The following JARID2 variants were observed in gnomAD, a reference collection of about 807,000 sequenced individuals.
JARID2 encodes protein Jumonji.
In JARID2, 21 loss-of-function variants were observed where a neutral mutation model predicts 125.6. The ratio of observed to expected loss-of-function variants is 0.17; its 90% CI spans 0.12 to 0.24. JARID2 has a LOEUF of 0.24. JARID2 is among the 10% of genes least tolerant of loss of function. The pLI is 1.00. For missense variants in JARID2, 1,303 were observed against 1,639.6 expected, an observed-to-expected ratio of 0.79 and a Z score of 3.55; for synonymous variants, 736 against 661.6, an observed-to-expected ratio of 1.11 and a Z score of -1.73.
chr6:15,398,618 C>T (rs2299054), intron 2 of JARID2, among the ~76,000 whole-genome samples: 66,925 of 152,092 alleles, frequency 0.44, 14,864 homozygotes, highest in East Asian at 0.54. Flanking sequence ...GACTGACTCG[C>T]ATGTACTGTG....
chr6:15,463,042 C>T (rs1238646103), intron 4 of JARID2, among the ~76,000 whole-genome samples: 1 of 152,126 alleles, frequency 6.6e-6, no homozygotes, highest in Non-Finnish European at 1.5e-5. Context: ...CAGATGCATT[C>T]CGTACTCTGA....
At chr6:15,391,259 T>G (rs1764991239) in intron 2 of JARID2, among the ~76,000 whole-genome samples, 1 of 152,098 alleles carries the variant, frequency 6.6e-6, no homozygotes, top group Non-Finnish European at 1.5e-5. Flanking sequence ...GCCTCTCTAG[T>G]TTTCCCCAGC....
chr6:15,284,609 C>T (rs1465001804), intron 1 of JARID2, among the ~76,000 whole-genome samples: 1 of 151,658 alleles, frequency 6.6e-6, no homozygotes, highest in Non-Finnish European at 1.5e-5. Flanking sequence ...GCCTCAGCCT[C>T]CCAAGTAGCT....
chr6:15,339,725 G>A (rs999477290), intron 1 of JARID2, among the ~76,000 whole-genome samples: 28 of 152,034 alleles, frequency 1.8e-4, no homozygotes, highest in Non-Finnish European at 5.9e-5. Flanking sequence ...AGTGGAGACA[G>A]GGTTTCACCA....
intron 1 of JARID2, among the ~76,000 whole-genome samples, chr6:15,324,183 G>GAA (rs549599553): frequency 1.1e-5 from 1 of 89,442 alleles, no homozygotes. Context: ...TGTCTCAAAA[G>GAA]AAAAAAAAAA....
intron 2 of JARID2, among the ~76,000 whole-genome samples, chr6:15,408,100 C>CA (rs935901525): frequency 6.6e-6 from 1 of 151,864 alleles, no homozygotes; most frequent in East Asian, 1.9e-4. Context: ...CCCATCTCTA[C>CA]AAAAAATACA....
rs144634978 is a variant in JARID2, at chr6:15,262,206, G to A, written c.45+15622G>A. ...CTTATTTTAAAATTTTTATAGAGGT[G>A]GGGTTTCGCTGTGTTTCCTCGGTGG... On this transcript the variant is annotated intron_variant, in intron 1 of 17. Coordinates refer to ENST00000341776, the MANE Select transcript of JARID2 (RefSeq NM_004973.4). Among the ~76,000 whole-genome samples the A allele has an allele frequency of 9.6e-3, 1,439 of 150,164 alleles. 22 individuals are homozygous for A. Among genetic ancestry groups the A allele is most frequent in the African/African-American group, 0.033 (1,345 of 40,850 alleles).
chr6:15,403,547 T>A (rs1164268631), intron 2 of JARID2, among the ~76,000 whole-genome samples: 1 of 152,168 alleles, frequency 6.6e-6, no homozygotes, highest in African/African-American at 2.4e-5. Flanking sequence ...CAGGGTCCTA[T>A]CTTTCTCAAA....
chr6:15,420,993 C>T (rs1766461612), intron 3 of JARID2, among the ~76,000 whole-genome samples: 1 of 152,170 alleles, frequency 6.6e-6, no homozygotes, highest in Non-Finnish European at 1.5e-5. Flanking sequence ...TAGTACTCAG[C>T]GGAAGACATG....
At chr6:15,476,847 C>G (rs1769365249) in intron 5 of JARID2, among the ~76,000 whole-genome samples, 1 of 152,102 alleles carries the variant, frequency 6.6e-6, no homozygotes, top group South Asian at 2.1e-4. Context: ...TTTGAGATGC[C>G]TAGATTTTTC....
chr6:15,514,056 G>A (rs1258264129), intron 16 of JARID2, among the ~76,000 whole-genome samples: 4 of 152,146 alleles, frequency 2.6e-5, no homozygotes, highest in Non-Finnish European at 4.4e-5. Context: ...TGGCTTCCTC[G>A]TGCCCACCTG....
At chr6:15,415,724 C>T (rs541259799) in intron 3 of JARID2, among the ~76,000 whole-genome samples, 3,629 of 119,126 alleles carry the variant, frequency 0.03, 66 homozygotes, top group Non-Finnish European at 0.045. Flanking sequence ...CCGGACGGGG[C>T]GGCTGGCCAG....
chr6:15,344,892 C>T (rs992130008), intron 1 of JARID2, among the ~76,000 whole-genome samples: 6 of 151,846 alleles, frequency 4.0e-5, no homozygotes, highest in African/African-American at 4.8e-5. Flanking sequence ...CATTACCTGC[C>T]GTTTTGGATT....
intron 1 of JARID2, among the ~76,000 whole-genome samples, chr6:15,321,670 CTAAG>C: frequency 6.6e-6 from 1 of 151,360 alleles, no homozygotes; most frequent in South Asian, 2.1e-4. Flanking sequence ...GGGTCAGTGG[CTAAG>C]TAAGTTAACA....
At chr6:15,312,132 T>A (rs12214719) in intron 1 of JARID2, among the ~76,000 whole-genome samples, 4,852 of 152,314 alleles carry the variant, frequency 0.032, 129 homozygotes, top group South Asian at 0.11. Context: ...CTTGGCTCAC[T>A]GCAGCCTTCA....
chr6:15,400,766 C>G, intron 2 of JARID2: 3 of 982,938 alleles, frequency 3.1e-6, no homozygotes, highest in Non-Finnish European at 3.6e-6. Flanking sequence ...TGCCTCCCCT[C>G]CCCCTCGGCC....
At chr6:15,492,466 C>T (rs759226374) in intron 6 of JARID2, among the ~76,000 whole-genome samples, 9 of 152,286 alleles carry the variant, frequency 5.9e-5, no homozygotes, top group Admixed American at 2.6e-4. Context: ...GGGAGACCTT[C>T]GGTAACAAGG....
At chr6:15,263,319 C>T (rs1298308336) in intron 1 of JARID2, among the ~76,000 whole-genome samples, 2 of 152,012 alleles carry the variant, frequency 1.3e-5, no homozygotes, top group East Asian at 3.9e-4. Flanking sequence ...TTGTGGTTAC[C>T]TCTGTCAGCA....
intron 1 of JARID2, among the ~76,000 whole-genome samples, chr6:15,261,327 T>TG (rs961205960): frequency 7.3e-6 from 1 of 136,974 alleles, no homozygotes; most frequent in African/African-American, 2.6e-5. Flanking sequence ...TTTTTTTTTT[T>TG]TTTTTGAGAC....
Sources: allele counts gnomAD v4.1 joint callset (sites outside exome capture counted in the v4.1 genomes callset), GRCh38; gene constraint gnomAD v4.1.1; transcripts MANE v1.5; gene names NCBI Gene and HGNC (gene_info 2026-07-23, HGNC 2026-07-21).